Variants in RBM6 observed in about 807,000 individuals in gnomAD.
RBM6 encodes the protein RNA binding motif protein 6, also known as RNA-binding protein 6.
A neutral mutation model predicts 140.4 loss-of-function variants in RBM6; 23 were observed. The ratio of observed to expected loss-of-function variants is 0.16; its 90% CI spans 0.12 to 0.23. RBM6 has a LOEUF of 0.23. Ranked by LOEUF, RBM6 falls within the 10% of genes least tolerant of loss-of-function variation. RBM6 has a pLI of 1.00. For missense variants in RBM6, 1,139 were observed against 1,386.7 expected (o/e 0.82, Z 2.84); for synonymous variants, 439 against 475.6 (o/e 0.92, Z 1.00).
chr3:50,009,360 G>A (rs903023481), intron 6 of RBM6, among the ~76,000 whole-genome samples: 1 of 152,122 alleles, frequency 6.6e-6, no homozygotes, highest in Non-Finnish European at 1.5e-5. Flanking sequence ...GAAAATTCTT[G>A]TAGGCTGCAG....
chr3:50,074,769 G>T (rs1444322048), intron 19 of RBM6, among the ~76,000 whole-genome samples: 2 of 152,190 alleles, frequency 1.3e-5, no homozygotes, highest in Non-Finnish European at 2.9e-5. Context: ...CAGAGGTACT[G>T]TTAAATATAC....
chr3:50,070,399 C>T, intron 18 of RBM6, 56 bp from the exon 19 acceptor site: 1 of 1,243,546 alleles, frequency 8.0e-7, no homozygotes, highest in Non-Finnish European at 1.2e-6. Context: ...AGAATTTCCC[C>T]ACTCCCCAAT....
chr3:50,061,009 A>G lies in RBM6; in HGVS notation c.2271+11A>G. ...ATGCATTACTATCAGGTAGGCTGTA[A>G]CAGGTGGGGAGTGCTCTATTAAAAT... On this transcript the variant is annotated intron_variant, in intron 12 of 20. Coordinates refer to ENST00000266022, the MANE Select transcript of RBM6 (RefSeq NM_005777.3). The G allele has an allele frequency of 6.3e-7, 1 of 1,593,062 alleles. No individual in the cohort carries two copies. Among genetic ancestry groups the G allele is most frequent in the Non-Finnish European group, 8.5e-7 (1 of 1,170,130 alleles).
chr3:49,994,438 A>G (rs1484013573), intron 5 of RBM6, among the ~76,000 whole-genome samples: 2 of 152,016 alleles, frequency 1.3e-5, no homozygotes, highest in Non-Finnish European at 2.9e-5. Context: ...TGTTATTCCC[A>G]CTGACAGGAA....
intron 2 of RBM6, among the ~76,000 whole-genome samples, chr3:49,966,291 G>T (rs925456339): frequency 6.6e-6 from 1 of 152,172 alleles, no homozygotes; most frequent in Non-Finnish European, 1.5e-5. Context: ...GAATTGAGTT[G>T]GTATTAATAT....
intron 4 of RBM6, 38 bp downstream of exon 4, chr3:49,972,186 T>TA: frequency 1.4e-6 from 2 of 1,478,924 alleles, no homozygotes; most frequent in African/African-American, 2.8e-5. Context: ...CTGTGTCAAT[T>TA]AAAAATTAAA....
rs184421128 is a variant in RBM6, at chr3:50,056,219, A to G, written c.1694-1509A>G. Among the ~76,000 whole-genome samples, 5 of 152,212 alleles carry G rather than the reference A, an allele frequency of 3.3e-5. No individual in the cohort carries two copies. In the East Asian group the frequency reaches 9.6e-4, roughly 29 times the overall value. ...TGTTAGGTCACTTCAGGTTAGGCAA[A>G]GTTGTGTTTTTTTCCCCCCACAAGA... On this transcript the variant is annotated intron_variant, in intron 8 of 20. Coordinates refer to ENST00000266022, the MANE Select transcript of RBM6 (RefSeq NM_005777.3).
intron 6 of RBM6, among the ~76,000 whole-genome samples, chr3:50,014,038 C>T (rs1575691994): frequency 6.6e-6 from 1 of 152,184 alleles, no homozygotes; most frequent in Admixed American, 6.5e-5. Context: ...CCAAAAATCT[C>T]TATTGCTGAG....
intron 6 of RBM6, among the ~76,000 whole-genome samples, chr3:50,022,785 GTAAATA>G (rs1238227982): frequency 1.3e-5 from 2 of 152,024 alleles, no homozygotes; most frequent in Non-Finnish European, 2.9e-5. Flanking sequence ...TAGTCTTAAG[GTAAATA>G]TATGTGGGAT....
At chr3:49,975,745 T>G (rs1028007955) in intron 5 of RBM6, among the ~76,000 whole-genome samples, 4 of 152,244 alleles carry the variant, frequency 2.6e-5, no homozygotes, top group Non-Finnish European at 5.9e-5. Flanking sequence ...ATAAGCTTGT[T>G]GTATGTAAAA....
intron 2 of RBM6, among the ~76,000 whole-genome samples, chr3:49,964,797 T>C (rs537965260): frequency 1.3e-5 from 2 of 152,334 alleles, no homozygotes; most frequent in African/African-American, 4.8e-5. Flanking sequence ...TCAGAAATGT[T>C]AGGTTAATTT....
rs1559645712 is a variant in RBM6, at chr3:50,061,479, A to G, written c.2371A>G (p.Ile791Val). 2.5e-6 allele frequency: 4 copies of G among 1,607,318 alleles called. No individual in the cohort carries two copies. Among genetic ancestry groups the G allele is most frequent in the Non-Finnish European group, 2.5e-6 (3 of 1,178,626 alleles). Residue 791 changes from isoleucine to valine, a missense_variant, in exon 14 of 21, where the codon ATA becomes GTA. By Grantham distance (29) the Ile-to-Val change is conservative. Transcript: ENST00000266022. ...ACCTTTAGCATCATCTGACTGCTAC[A>G]TATATGATTCTGCTACTGGCTACTA... Reference protein sequence around the residue: ...QGQQSSSDCYIYDSATGYYYD... With the variant: ...QGQQSSSDCYVYDSATGYYYD...
chr3:50,002,940 C>T (rs1194817416), intron 6 of RBM6, among the ~76,000 whole-genome samples: 2 of 151,836 alleles, frequency 1.3e-5, no homozygotes, highest in East Asian at 3.9e-4. Flanking sequence ...CAAGGTGAAA[C>T]CCCGTCTCTA....
At chr3:50,047,059 C>T in intron 6 of RBM6, 1 of 483,198 alleles carries the variant, frequency 2.1e-6, no homozygotes. Flanking sequence ...TGTCTCAGAC[C>T]AGATGCTAAG....
chr3:49,967,451 A>G lies in RBM6; in HGVS notation c.45-19A>G, dbSNP rs1559533365. 1.9e-6 allele frequency: 3 copies of G among 1,607,350 alleles called. No homozygotes were observed. Among genetic ancestry groups the G allele is most frequent in the African/African-American group, 1.3e-5 (1 of 74,804 alleles). On this transcript the variant is annotated intron_variant, in intron 2 of 20. Coordinates refer to ENST00000266022, the MANE Select transcript of RBM6 (RefSeq NM_005777.3). The surrounding 1 kb of genome is among the most constrained non-coding windows in gnomAD (Gnocchi z 4.0). ...AAACTCTCTGGACAATATGAATAAC[A>G]CTGTCTTTGTTTCTACAGTGGGAGC...
chr3:49,949,072 G>C (rs889152493), intron 1 of RBM6, among the ~76,000 whole-genome samples: 31 of 150,994 alleles, frequency 2.1e-4, no homozygotes, highest in African/African-American at 6.8e-4. Flanking sequence ...CTTGTGATCC[G>C]CTGGCCTCAG....
At position 50,042,795 on chromosome 3, in the gene RBM6, G is replaced by A. The variant is rs573226411; in HGVS notation, c.1558-5450G>A. ...CCTTGATGATTGGTTTTGAGCCAAC[G>A]GAATGGGAGCATATGGTAGAGTTTC... On this transcript the variant is annotated intron_variant, in intron 6 of 20. Coordinates refer to ENST00000266022, the MANE Select transcript of RBM6 (RefSeq NM_005777.3). Among the ~76,000 whole-genome samples, 15 of 152,128 alleles carry A rather than the reference G, an allele frequency of 9.9e-5. No individual in the cohort carries two copies. The South Asian group carries it at 2.1e-3, about 21-fold the overall frequency.
At chr3:49,955,309 T>A (rs2083930059) in intron 1 of RBM6, among the ~76,000 whole-genome samples, 1 of 149,152 alleles carries the variant, frequency 6.7e-6, no homozygotes. Context: ...TATTTGGGAC[T>A]ACAGACACCT....
At chr3:49,955,374 A>T (rs2083933178) in intron 1 of RBM6, among the ~76,000 whole-genome samples, 1 of 148,700 alleles carries the variant, frequency 6.7e-6, no homozygotes, top group Admixed American at 6.7e-5. Context: ...GTCTCTATTG[A>T]TGTGCATTTA....
Sources: gnomAD v4.1 joint callset for allele counts (sites outside exome capture counted in the v4.1 genomes callset) on GRCh38, gnomAD v4.1.1 for gene constraint, Gnocchi (gnomAD v3.1) non-coding constraint, MANE v1.5 for transcripts, NCBI Gene and HGNC (gene_info 2026-07-23, HGNC 2026-07-21) for gene names.